RPH3AL: variants seen among roughly 807,000 people sequenced by gnomAD.
RPH3AL encodes the protein rabphilin 3A like (without C2 domains).
Under a neutral mutation model 43.1 loss-of-function variants are expected in RPH3AL, and 38 were observed. That is an observed-to-expected ratio of 0.88 (90% CI 0.68 to 1.15). The LOEUF is 1.15. Among genes scored for constraint, RPH3AL ranks in the 50% most tolerant of loss-of-function variants. The pLI, the probability that RPH3AL is intolerant of heterozygous loss-of-function variation, is 0.00. For missense variants in RPH3AL, 462 were observed against 423.2 expected, an observed-to-expected ratio of 1.09 and a Z score of -0.81; for synonymous variants, 189 against 176.3, an observed-to-expected ratio of 1.07 and a Z score of -0.57.
chr17:302,087 T>A (rs1313801798), intron 5 of RPH3AL, among the ~76,000 whole-genome samples: 1 of 152,078 alleles, frequency 6.6e-6, no homozygotes, highest in Non-Finnish European at 1.5e-5. Context: ...ATAACCACAA[T>A]CGAGCTGTGT....
chr17:307,946 G>A (rs2043542301), intron 5 of RPH3AL, among the ~76,000 whole-genome samples: 1 of 152,172 alleles, frequency 6.6e-6, no homozygotes. Context: ...CCAATCCTCC[G>A]ATCCCAGCAA....
chr17:239,463 C>T (rs959828677), intron 7 of RPH3AL, among the ~76,000 whole-genome samples: 4 of 152,200 alleles, frequency 2.6e-5, no homozygotes, highest in African/African-American at 9.6e-5. Context: ...GCTACCCTTT[C>T]TCTACTCTTG....
intron 1 of RPH3AL, among the ~76,000 whole-genome samples, chr17:336,623 A>G (rs527959500): frequency 9.9e-5 from 15 of 152,170 alleles, no homozygotes; most frequent in African/African-American, 3.4e-4. Flanking sequence ...AGCCAGAGAG[A>G]CCATCCTTAC....
intron 5 of RPH3AL, among the ~76,000 whole-genome samples, chr17:301,799 C>T (rs1325766067): frequency 5.9e-5 from 9 of 152,108 alleles, no homozygotes; most frequent in South Asian, 2.1e-4. Context: ...AGTTCTGACC[C>T]GAGCCGTAGG....
intron 6 of RPH3AL, among the ~76,000 whole-genome samples, chr17:280,102 T>C (rs979273872): frequency 6.6e-6 from 1 of 152,146 alleles, no homozygotes; most frequent in Non-Finnish European, 1.5e-5. Context: ...AAAAACAAGA[T>C]CTATATCTCC....
chr17:330,207 C>G (rs753728698), intron 2 of RPH3AL, among the ~76,000 whole-genome samples: 1 of 152,250 alleles, frequency 6.6e-6, no homozygotes, highest in Non-Finnish European at 1.5e-5. Flanking sequence ...CCACACTGGT[C>G]GCTCTACCCC....
At chr17:319,210 T>C (rs1165920612) in intron 5 of RPH3AL, among the ~76,000 whole-genome samples, 1 of 152,188 alleles carries the variant, frequency 6.6e-6, no homozygotes, top group Non-Finnish European at 1.5e-5. Flanking sequence ...CCAGAAGGGC[T>C]AGAAGATGCC....
At chr17:280,348 A>G (rs573392620) in intron 6 of RPH3AL, among the ~76,000 whole-genome samples, 53 of 152,156 alleles carry the variant, frequency 3.5e-4, no homozygotes, top group Non-Finnish European at 6.5e-4. Context: ...CCCCGGGACT[A>G]TAACATACAT....
At chr17:262,288 G>A (rs1013606741) in intron 6 of RPH3AL, among the ~76,000 whole-genome samples, 6 of 151,924 alleles carry the variant, frequency 3.9e-5, no homozygotes, top group South Asian at 2.1e-4. Context: ...GCACAATCTC[G>A]GCTCACTGCA....
intron 5 of RPH3AL, among the ~76,000 whole-genome samples, chr17:286,833 T>A (rs1245076584): frequency 6.6e-6 from 1 of 152,146 alleles, no homozygotes; most frequent in East Asian, 1.9e-4. Flanking sequence ...TGGAACTGCG[T>A]CCGGGTGTTA....
At chr17:279,516 C>T (rs1465260957) in intron 6 of RPH3AL, among the ~76,000 whole-genome samples, 1 of 152,186 alleles carries the variant, frequency 6.6e-6, no homozygotes, top group East Asian at 1.9e-4. Flanking sequence ...CACTGGAGCC[C>T]TCTGGAGATT....
rs1567521627 is a variant in RPH3AL at position 321,582 on chromosome 17, T to TGGCAACAGAGAC, written c.78-168_78-167insGTCTCTGTTGCC. 802 of 552,190 alleles carry TGGCAACAGAGAC rather than the reference T, an allele frequency of 1.5e-3. 4 individuals are homozygous for TGGCAACAGAGAC. Among genetic ancestry groups the TGGCAACAGAGAC allele is most frequent in the Middle Eastern group, 2.7e-3 (5 of 1,884 alleles). The allele number at this position is 552,190 out of a possible 1,614,324, so 34.2% of individuals were successfully genotyped here. On this transcript the variant is annotated intron_variant, in intron 3 of 9. Coordinates refer to ENST00000331302, the MANE Select transcript of RPH3AL (RefSeq NM_006987.4). Reference sequence around the variant, plus strand: ...GAGATGGCCCAGGTGGCAACAGAGATGGCCCAGGTGGCAACAGAGACGGCC... The same window carrying TGGCAACAGAGAC: ...GAGATGGCCCAGGTGGCAACAGAGATGGCAACAGAGACGGCCCAGGTGGCAACAGAGACGGCC...
intron 7 of RPH3AL, among the ~76,000 whole-genome samples, chr17:238,133 C>A (rs545599978): frequency 8.9e-5 from 13 of 145,362 alleles, no homozygotes; most frequent in African/African-American, 3.3e-4. Context: ...CAGAGTGAAA[C>A]CCTGAGAAAG....
intron 2 of RPH3AL, among the ~76,000 whole-genome samples, chr17:330,099 C>G (rs921939150): frequency 1.3e-5 from 2 of 152,252 alleles, no homozygotes; most frequent in African/African-American, 4.8e-5. Flanking sequence ...TGGAGAACTG[C>G]TTTTCTCGGC....
At chr17:324,355 C>T (rs965073849) in intron 3 of RPH3AL, among the ~76,000 whole-genome samples, 1 of 152,202 alleles carries the variant, frequency 6.6e-6, no homozygotes, top group African/African-American at 2.4e-5. Flanking sequence ...CCCTGATGCC[C>T]GCCTGCGGCC....
chr17:222,789 C>T (rs1392146557), intron 7 of RPH3AL, among the ~76,000 whole-genome samples: 1 of 152,158 alleles, frequency 6.6e-6, no homozygotes, highest in East Asian at 1.9e-4. Flanking sequence ...CCTGGCCAAG[C>T]AGGACAACTG....
chr17:214,073 G>C, intron 9 of RPH3AL, 150 bp from the exon 10 acceptor site: 2 of 634,584 alleles, frequency 3.2e-6, no homozygotes, highest in Admixed American at 2.8e-5. Flanking sequence ...CCGAGCTCGA[G>C]ACCAGCACCG....
intron 5 of RPH3AL, among the ~76,000 whole-genome samples, chr17:293,957 G>T (rs2043108777): frequency 6.6e-6 from 1 of 152,010 alleles, no homozygotes; most frequent in Non-Finnish European, 1.5e-5. Context: ...GAAACCAGAA[G>T]TCGGAAGTTG....
chr17:259,390 C>G (rs546212548), intron 6 of RPH3AL, among the ~76,000 whole-genome samples: 1 of 152,342 alleles, frequency 6.6e-6, no homozygotes, highest in South Asian at 2.1e-4. Context: ...CAGGCCTTCT[C>G]TCTCCTGGCT....
Sources: gnomAD v4.1 joint callset for allele counts (sites outside exome capture counted in the v4.1 genomes callset) on GRCh38, gnomAD v4.1.1 for gene constraint, MANE v1.5 for transcripts, NCBI Gene and HGNC (gene_info 2026-07-23, HGNC 2026-07-21) for gene names.